The following TMEM132C variants were observed in gnomAD, a reference collection of about 807,000 sequenced individuals.
The protein encoded by TMEM132C is transmembrane protein 132C.
In TMEM132C, 29 loss-of-function variants were observed where a neutral mutation model predicts 61.4. The observed-to-expected ratio is 0.47, with a 90% CI of 0.35 to 0.64. The LOEUF is 0.64. TMEM132C is among the 30% of genes least tolerant of loss of function. TMEM132C has a pLI of 0.00. For synonymous variants in TMEM132C, 656 were observed against 633.1 expected (o/e 1.04, Z -0.54); for missense variants, 1,408 against 1,476.9 (o/e 0.95, Z 0.76).
chr12:128,454,933 T>G (rs916084306), intron 2 of TMEM132C, among the ~76,000 whole-genome samples: 1 of 152,160 alleles, frequency 6.6e-6, no homozygotes, highest in East Asian at 1.9e-4. Context: ...CTGTTAAAAT[T>G]GGCCGAGAGG....
intron 2 of TMEM132C, among the ~76,000 whole-genome samples, chr12:128,478,755 G>A (rs558711913): frequency 6.6e-6 from 1 of 152,188 alleles, no homozygotes; most frequent in Non-Finnish European, 1.5e-5. Flanking sequence ...CCAGATAGAT[G>A]CTACAAGGAC....
At chr12:128,639,648 A>G (rs181451952) in intron 4 of TMEM132C, among the ~76,000 whole-genome samples, 1 of 152,350 alleles carries the variant, frequency 6.6e-6, no homozygotes, top group Admixed American at 6.5e-5. Context: ...GTGGACAGCC[A>G]TAATATGTCA....
chr12:128,482,158 G>T (rs547218942), intron 2 of TMEM132C, among the ~76,000 whole-genome samples: 1 of 152,154 alleles, frequency 6.6e-6, no homozygotes, highest in Non-Finnish European at 1.5e-5. Context: ...TAATCATGTG[G>T]TTTTTGTCGT....
At chr12:128,625,168 G>A (rs534348911) in intron 4 of TMEM132C, among the ~76,000 whole-genome samples, 1 of 152,310 alleles carries the variant, frequency 6.6e-6, no homozygotes, top group East Asian at 1.9e-4. Flanking sequence ...ACCTCTAACT[G>A]AAACTGAGCA....
chr12:128,378,267 A>G (rs973243679), intron 1 of TMEM132C, among the ~76,000 whole-genome samples: 1 of 151,974 alleles, frequency 6.6e-6, no homozygotes, highest in African/African-American at 2.4e-5. Flanking sequence ...GGAGCCTGCC[A>G]CCATGCCCGG....
intron 5 of TMEM132C, among the ~76,000 whole-genome samples, chr12:128,676,628 T>G (rs1484503683): frequency 6.6e-6 from 1 of 152,258 alleles, no homozygotes; most frequent in East Asian, 1.9e-4. Context: ...ATACTGTTTT[T>G]GTTAACCACA....
chr12:128,304,944 A>G (rs930045036), intron 1 of TMEM132C, among the ~76,000 whole-genome samples: 2 of 152,212 alleles, frequency 1.3e-5, no homozygotes, highest in Non-Finnish European at 2.9e-5. Context: ...ACATGAACCA[A>G]TATACAGAGG....
chr12:128,405,045 C>T (rs950782958), intron 1 of TMEM132C, among the ~76,000 whole-genome samples: 18 of 146,432 alleles, frequency 1.2e-4, no homozygotes, highest in Admixed American at 2.1e-4. Flanking sequence ...CTCCCGTGGC[C>T]GTAGGAAACC....
At chr12:128,387,532 C>T (rs1874625208) in intron 1 of TMEM132C, among the ~76,000 whole-genome samples, 1 of 152,134 alleles carries the variant, frequency 6.6e-6, no homozygotes, top group Admixed American at 6.5e-5. Flanking sequence ...CAAAAATCAG[C>T]TGGGCACGGT....
intron 2 of TMEM132C, among the ~76,000 whole-genome samples, chr12:128,463,781 G>A (rs985761295): frequency 2.0e-5 from 3 of 152,052 alleles, no homozygotes; most frequent in African/African-American, 7.2e-5. Context: ...TGCCCCATTT[G>A]TGTGCCTTCC....
intron 5 of TMEM132C, among the ~76,000 whole-genome samples, chr12:128,684,036 T>C (rs2135642950): frequency 6.6e-6 from 1 of 152,204 alleles, no homozygotes; most frequent in South Asian, 2.1e-4. Flanking sequence ...TTGAATCTTT[T>C]CCTGGAACCG....
intron 2 of TMEM132C, among the ~76,000 whole-genome samples, chr12:128,532,944 G>A (rs1249220988): frequency 6.6e-6 from 1 of 152,144 alleles, no homozygotes; most frequent in Non-Finnish European, 1.5e-5. Context: ...TCCTCTGAAG[G>A]CCTTTGGAAT....
intron 2 of TMEM132C, among the ~76,000 whole-genome samples, chr12:128,542,647 G>T: frequency 6.6e-6 from 1 of 151,942 alleles, no homozygotes; most frequent in South Asian, 2.1e-4. Flanking sequence ...GGATCACAAG[G>T]TCAGGATATT....
intron 1 of TMEM132C, among the ~76,000 whole-genome samples, chr12:128,356,028 C>T (rs758882932): frequency 2.8e-4 from 42 of 152,120 alleles, no homozygotes; most frequent in Non-Finnish European, 2.9e-4. Flanking sequence ...TCTGCTTTAT[C>T]TTGAGCATCT....
chr12:128,583,821 A>G (rs1472381523), intron 3 of TMEM132C, among the ~76,000 whole-genome samples: 2 of 152,234 alleles, frequency 1.3e-5, no homozygotes, highest in Admixed American at 6.5e-5. Context: ...TCCTTGGCAG[A>G]AAGAGCAGCA....
chr12:128,544,091 G>T lies in TMEM132C; in HGVS notation c.1109G>T (p.Ser370Ile), dbSNP rs928545670. ...ATVACQRLGP[S>I]PRNRSSSLFN... ...GTGGCCTGCCAGCGCCTGGGGCCCAGCCCACGCAACAGGTAAGCGGTGCCC... is the reference window on the plus strand; with the variant it reads ...GTGGCCTGCCAGCGCCTGGGGCCCATCCCACGCAACAGGTAAGCGGTGCCC... Residue 370 changes from serine to isoleucine, a missense_variant, in exon 3 of 9, where the codon AGC becomes ATC. Transcript: ENST00000435159. 3 of 1,538,042 alleles carry T rather than the reference G, an allele frequency of 2.0e-6. No homozygotes were observed. In the Admixed American group the frequency reaches 6.1e-5, roughly 31 times the overall value.
chr12:128,564,919 C>A (rs558222528), intron 3 of TMEM132C, among the ~76,000 whole-genome samples: 2 of 152,122 alleles, frequency 1.3e-5, no homozygotes, highest in Non-Finnish European at 2.9e-5. Flanking sequence ...TCCTCTTCCA[C>A]GGGCTAGACT....
At chr12:128,611,897 C>T (rs1001062305) in intron 3 of TMEM132C, among the ~76,000 whole-genome samples, 7 of 152,166 alleles carry the variant, frequency 4.6e-5, no homozygotes, top group Admixed American at 3.9e-4. Flanking sequence ...GCGGAACCAG[C>T]GACACCAAAT....
intron 2 of TMEM132C, among the ~76,000 whole-genome samples, chr12:128,497,632 G>A (rs143015936): frequency 6.6e-6 from 1 of 152,202 alleles, no homozygotes; most frequent in Admixed American, 6.5e-5. Flanking sequence ...CTCTGAGCCA[G>A]GTGCGGGATA....
Sources: gnomAD v4.1 joint callset for allele counts (sites outside exome capture counted in the v4.1 genomes callset) on GRCh38, gnomAD v4.1.1 for gene constraint, MANE v1.5 for transcripts, NCBI Gene and HGNC (gene_info 2026-07-23, HGNC 2026-07-21) for gene names.